Variants in PCDH9 observed in about 807,000 individuals in gnomAD.
The protein encoded by PCDH9 is protocadherin-9.
A neutral mutation model predicts 70.6 loss-of-function variants in PCDH9; 24 were observed. The ratio of observed to expected loss-of-function variants is 0.34; its 90% CI spans 0.25 to 0.48. The LOEUF (loss-of-function observed/expected upper bound fraction) is 0.48. Among genes scored for constraint, PCDH9 ranks in the 20% least tolerant of loss-of-function variants. The pLI is 0.99. For missense variants in PCDH9, 1,281 were observed against 1,503.6 expected (o/e 0.85, Z 2.45); for synonymous variants, 562 against 558.5 (o/e 1.01, Z -0.09).
chr13:66,361,846 T>A (rs557644822), intron 4 of PCDH9, among the ~76,000 whole-genome samples: 2 of 152,274 alleles, frequency 1.3e-5, no homozygotes, highest in East Asian at 3.9e-4. Flanking sequence ...TTGATTAATG[T>A]TTGAGCAGGT....
chr13:66,440,058 A>G (rs761419337), intron 4 of PCDH9, among the ~76,000 whole-genome samples: 28 of 152,194 alleles, frequency 1.8e-4, no homozygotes, highest in Non-Finnish European at 4.0e-4. Context: ...ATCAAGAGTA[A>G]AAACAATAAA....
At chr13:66,320,369 A>G (rs867664077) in intron 4 of PCDH9, among the ~76,000 whole-genome samples, 4 of 152,154 alleles carry the variant, frequency 2.6e-5, no homozygotes, top group Non-Finnish European at 2.9e-5. Flanking sequence ...CCCTTGCCAA[A>G]TATTATCGAT....
chr13:66,586,487 T>A (rs749752525), intron 4 of PCDH9, among the ~76,000 whole-genome samples: 1 of 151,978 alleles, frequency 6.6e-6, no homozygotes, highest in African/African-American at 2.4e-5. Flanking sequence ...GGCTCAGCTG[T>A]TATGGCTAGA....
intron 3 of PCDH9, among the ~76,000 whole-genome samples, chr13:66,859,943 A>T (rs531134374): frequency 6.6e-6 from 1 of 152,296 alleles, no homozygotes; most frequent in Admixed American, 6.5e-5. Context: ...ATTTACAGAC[A>T]TCTGCACCCT....
intron 4 of PCDH9, among the ~76,000 whole-genome samples, chr13:66,449,722 G>A (rs941387838): frequency 1.1e-4 from 16 of 152,096 alleles, no homozygotes; most frequent in African/African-American, 3.9e-4. Flanking sequence ...TTAAATGTAT[G>A]CATAATGGCC....
intron 4 of PCDH9, among the ~76,000 whole-genome samples, chr13:66,608,189 T>C (rs2077245776): frequency 6.6e-6 from 1 of 151,936 alleles, no homozygotes; most frequent in African/African-American, 2.4e-5. Context: ...TATAGGTATA[T>C]ACAGTTCAGT....
chr13:67,132,301 C>A (rs765142550), intron 2 of PCDH9, among the ~76,000 whole-genome samples: 2 of 152,132 alleles, frequency 1.3e-5, no homozygotes, highest in African/African-American at 2.4e-5. Flanking sequence ...CAAGAATGTA[C>A]ATGTTCTTAG....
intron 2 of PCDH9, among the ~76,000 whole-genome samples, chr13:67,174,753 A>C (rs1006091585): frequency 1.3e-5 from 2 of 152,148 alleles, no homozygotes; most frequent in Admixed American, 6.5e-5. Flanking sequence ...ACAATGCTAA[A>C]TGTTCTTTCA....
At chr13:67,200,816 A>G (rs567860743) in intron 2 of PCDH9, among the ~76,000 whole-genome samples, 3 of 152,132 alleles carry the variant, frequency 2.0e-5, no homozygotes, top group African/African-American at 7.2e-5. Context: ...CCTTTAGCCT[A>G]AGGTTCCACA....
chr13:66,673,515 G>A (rs2078205082), intron 3 of PCDH9, among the ~76,000 whole-genome samples: 1 of 152,090 alleles, frequency 6.6e-6, no homozygotes, highest in African/African-American at 2.4e-5. Flanking sequence ...AAGATGATAT[G>A]AGTGCACAGA....
In PCDH9 at chr13:66,765,026, C is replaced by T. The variant is rs149733242; in HGVS notation, c.3139-133615G>A. Among the ~76,000 whole-genome samples the T allele has an allele frequency of 4.6e-3, 677 of 145,674 alleles. 9 individuals are homozygous for T. The highest frequency in any genetic ancestry group is 0.015 in the African/African-American group (602 of 40,360). ...TCTCTCTCTCTGTCTCTTTCTCTTT[C>T]GCTCTCTCTCTTTCTGTGTCTTTGT... On this transcript the variant is annotated intron_variant, in intron 3 of 4. Coordinates refer to ENST00000377865, the MANE Select transcript of PCDH9 (RefSeq NM_203487.3).
chr13:66,718,636 A>C lies in PCDH9; in HGVS notation c.3139-87225T>G, dbSNP rs576309045. Among the ~76,000 whole-genome samples the C allele has an allele frequency of 3.9e-5, 6 of 152,332 alleles. No individual in the cohort carries two copies. In the South Asian group the frequency reaches 1.2e-3, roughly 32 times the overall value. ...CTATCAGCAGAGGATAATATCTAGA[A>C]AGTGTATGGTTAAGTTACTACGTGA... On this transcript the variant is annotated intron_variant, in intron 3 of 4. Transcript: ENST00000377865.
intron 4 of PCDH9, among the ~76,000 whole-genome samples, chr13:66,429,910 G>C (rs1196862868): frequency 6.6e-6 from 1 of 151,998 alleles, no homozygotes; most frequent in Non-Finnish European, 1.5e-5. Context: ...GCAAATGCCA[G>C]TGAGAATATA....
intron 3 of PCDH9, among the ~76,000 whole-genome samples, chr13:66,884,142 C>T (rs940882508): frequency 6.6e-6 from 1 of 152,072 alleles, no homozygotes; most frequent in South Asian, 2.1e-4. Context: ...AAGTGATCCG[C>T]CTGCCTCTGT....
intron 4 of PCDH9, among the ~76,000 whole-genome samples, chr13:66,406,878 A>G (rs1160978456): frequency 1.3e-5 from 2 of 152,186 alleles, no homozygotes; most frequent in South Asian, 2.1e-4. Context: ...ATCTGATATC[A>G]TCAATTTTTT....
intron 4 of PCDH9, among the ~76,000 whole-genome samples, chr13:66,501,478 G>T (rs7985173): frequency 0.98 from 149,499 of 152,178 alleles, 73,490 homozygotes; most frequent in East Asian, 1. Flanking sequence ...AATCTTCCCT[G>T]CTGTTCATTA....
At chr13:66,599,219 T>G (rs1239521566) in intron 4 of PCDH9, among the ~76,000 whole-genome samples, 1 of 151,816 alleles carries the variant, frequency 6.6e-6, no homozygotes, top group African/African-American at 2.4e-5. Context: ...CTACTTCATG[T>G]AGTTGTGAAA....
chr13:67,110,343 C>G (rs1263517284), intron 2 of PCDH9, among the ~76,000 whole-genome samples: 1 of 151,422 alleles, frequency 6.6e-6, no homozygotes, highest in Non-Finnish European at 1.5e-5. Flanking sequence ...GGTGAAACCC[C>G]GTCTCCACTA....
chr13:66,730,876 G>GTTTTTTT (rs758928616), intron 3 of PCDH9, among the ~76,000 whole-genome samples: 569 of 46,364 alleles, frequency 0.012, 32 homozygotes, highest in African/African-American at 0.015. Context: ...GTGTGTGTGT[G>GTTTTTTT]TTTTTTTTTT....
Sources: allele counts gnomAD v4.1 joint callset (sites outside exome capture counted in the v4.1 genomes callset), GRCh38; gene constraint gnomAD v4.1.1; transcripts MANE v1.5; gene names NCBI Gene and HGNC (gene_info 2026-07-23, HGNC 2026-07-21).